USP43: variants seen among roughly 807,000 people sequenced by gnomAD.
The protein encoded by USP43 is ubiquitin carboxyl-terminal hydrolase 43.
In USP43, 33 loss-of-function variants were observed where a neutral mutation model predicts 90.7. That is an observed-to-expected ratio of 0.36 (90% CI 0.28 to 0.49). The LOEUF is 0.49. USP43 is among the 20% of genes least tolerant of loss of function. The pLI, the probability that USP43 is intolerant of heterozygous loss-of-function variation, is 0.98. For synonymous variants in USP43, 598 were observed against 615.8 expected, an observed-to-expected ratio of 0.97 and a Z score of 0.43; for missense variants, 1,274 against 1,476.4, an observed-to-expected ratio of 0.86 and a Z score of 2.25.
chr17:9,691,176 G>A (rs1051092849), intron 8 of USP43, among the ~76,000 whole-genome samples: 3 of 149,692 alleles, frequency 2.0e-5, no homozygotes, highest in East Asian at 2.0e-4. Context: ...GTGCAATGGC[G>A]TGATCTCAGC....
Position 9,693,241 on chromosome 17 carries a change from A to G in USP43, c.1457+11A>G. Reference sequence around the variant, plus strand: ...CTGGGCAGTTGACAGGTAAGGGGGAAGGTCCAGGTTCAGTCAGCTAATGAA... The same window carrying G: ...CTGGGCAGTTGACAGGTAAGGGGGAGGGTCCAGGTTCAGTCAGCTAATGAA... On this transcript the variant is annotated intron_variant, in intron 9 of 14. Transcript: ENST00000285199. 6.2e-7 allele frequency: 1 copy of G among 1,606,374 alleles called. No homozygotes were observed. Among genetic ancestry groups the G allele is most frequent in the South Asian group, 1.1e-5 (1 of 89,750 alleles).
intron 12 of USP43, among the ~76,000 whole-genome samples, chr17:9,706,631 A>ATTTTTTTTT (rs34165346): frequency 1.2e-5 from 1 of 84,436 alleles, no homozygotes; most frequent in Non-Finnish European, 2.2e-5. Context: ...TCAGATATTA[A>ATTTTTTTTT]TTTTTTTTTT....
Position 9,701,621 on chromosome 17 carries a change from C to G in USP43, c.1932C>G (p.Thr644=). Residue 644 remains threonine, a synonymous_variant, in exon 12 of 15, where the codon ACC becomes ACG. Coordinates refer to ENST00000285199, the MANE Select transcript of USP43 (RefSeq NM_153210.5). The surrounding 1 kb of genome is among the most constrained non-coding windows in gnomAD (Gnocchi z 7.2). ...GGAAGCAGCCGGACTGCCTGCCCAC[C>G]AGTTACCCGCTGGACTTCCTGTACG... ...PSWKQPDCLP[T]SYPLDFLYDL... is the part of the protein sequence containing the mutation. 1 of 1,588,446 alleles carries G rather than the reference C, an allele frequency of 6.3e-7. No homozygotes were observed. Among genetic ancestry groups the G allele is most frequent in the East Asian group, 2.3e-5 (1 of 43,498 alleles).
intron 13 of USP43, among the ~76,000 whole-genome samples, chr17:9,711,247 G>A (rs1216456182): frequency 6.6e-6 from 1 of 152,104 alleles, no homozygotes; most frequent in African/African-American, 2.4e-5. Context: ...GCATGCTGGG[G>A]CCCTGGTACT....
intron 1 of USP43, among the ~76,000 whole-genome samples, chr17:9,654,806 C>G (rs1912118991): frequency 1.3e-5 from 2 of 151,848 alleles, no homozygotes; most frequent in Admixed American, 6.6e-5. Context: ...GGTGCAATCT[C>G]TCCTCACTGC....
At chr17:9,703,160 G>A (rs766283935) in intron 12 of USP43, among the ~76,000 whole-genome samples, 3 of 152,044 alleles carry the variant, frequency 2.0e-5, no homozygotes, top group Non-Finnish European at 2.9e-5. Context: ...ATATTGGGAG[G>A]CATCTTTGTT....
intron 4 of USP43, among the ~76,000 whole-genome samples, chr17:9,675,425 A>G (rs913358571): frequency 1.3e-5 from 2 of 152,148 alleles, no homozygotes; most frequent in African/African-American, 4.8e-5. Flanking sequence ...TTTGGGGAAG[A>G]TGAGAAAAAA....
chr17:9,713,278 A>G (rs570255078), intron 14 of USP43, among the ~76,000 whole-genome samples: 35 of 152,126 alleles, frequency 2.3e-4, no homozygotes, highest in African/African-American at 6.0e-4. Context: ...TCGTAGAGAC[A>G]GGGTTTCATC....
chr17:9,715,148 A>AG (rs1219135081), intron 14 of USP43, among the ~76,000 whole-genome samples: 11 of 152,212 alleles, frequency 7.2e-5, no homozygotes, highest in Admixed American at 2.0e-4. Context: ...GCTGGGAACA[A>AG]GGGGGTAACC....
chr17:9,721,849 C>T (rs1597897379), intron 14 of USP43, among the ~76,000 whole-genome samples: 1 of 151,224 alleles, frequency 6.6e-6, no homozygotes, highest in Non-Finnish European at 1.5e-5. Flanking sequence ...TCAGCCTCCC[C>T]AGTAGCTGGG....
intron 14 of USP43, among the ~76,000 whole-genome samples, chr17:9,716,694 T>C (rs918617232): frequency 3.9e-5 from 6 of 152,300 alleles, no homozygotes; most frequent in African/African-American, 1.4e-4. Flanking sequence ...AAATCTGGCC[T>C]GGTCATCAAG....
chr17:9,668,576 A>G (rs1328527056), intron 3 of USP43, among the ~76,000 whole-genome samples: 2 of 152,208 alleles, frequency 1.3e-5, no homozygotes, highest in Non-Finnish European at 2.9e-5. Context: ...GCTCTGCCTC[A>G]CCAGGGACAG....
rs965154135 is a variant in USP43 at position 9,688,778 on chromosome 17, C to T, written c.1353+1869C>T. Reference sequence around the variant, plus strand: ...AATGGCTCACTGCATCTTTGACCTCCCAGGCTCAAGTGATCCTCCTGCCTC... The same window carrying T: ...AATGGCTCACTGCATCTTTGACCTCTCAGGCTCAAGTGATCCTCCTGCCTC... On this transcript the variant is annotated intron_variant, in intron 8 of 14. Transcript: ENST00000285199. 2.6e-5 allele frequency among the ~76,000 whole-genome samples: 4 copies of T among 152,226 alleles called. No homozygotes were observed. In the South Asian group the frequency reaches 8.3e-4, roughly 32 times the overall value.
At chr17:9,669,944 A>T (rs1028973672) in intron 3 of USP43, 1 of 152,276 alleles carries the variant, frequency 6.6e-6, no homozygotes, top group Non-Finnish European at 1.5e-5. Context: ...GCAGGTTTTC[A>T]GTCCAAGTGT....
Position 9,701,690 on chromosome 17 carries a change from G to T in USP43, c.2001G>T (p.Gly667=), listed in dbSNP as rs1458305543. The T allele has an allele frequency of 6.4e-7, 1 of 1,557,978 alleles. No homozygotes were observed. The highest frequency in any genetic ancestry group is 1.4e-5 in the African/African-American group (1 of 73,964). ...ACCACCATGGCAACCTGCAAGGTGG[G>T]CATTACACAGGTGAGCCTTGCCTTG... ...VCNHHGNLQG[G]HYTAYCRNSL... is the part of the protein sequence containing the mutation. Residue 667 remains glycine, a synonymous_variant, in exon 12 of 15, where the codon GGG becomes GGT. Coordinates refer to ENST00000285199, the MANE Select transcript of USP43 (RefSeq NM_153210.5). The surrounding 1 kb of genome is among the most constrained non-coding windows in gnomAD (Gnocchi z 7.2).
intron 3 of USP43, among the ~76,000 whole-genome samples, chr17:9,672,990 C>T (rs991082004): frequency 6.6e-6 from 1 of 152,174 alleles, no homozygotes; most frequent in African/African-American, 2.4e-5. Flanking sequence ...GTTCTGATAC[C>T]AACTTTGGCT....
At position 9,693,170 on chromosome 17, in the gene USP43, T is replaced by C. The variant is rs976437281; in HGVS notation, c.1397T>C (p.Val466Ala). The C allele has an allele frequency of 6.2e-7, 1 of 1,613,820 alleles. No individual in the cohort carries two copies. The highest frequency in any genetic ancestry group is 1.7e-5 in the Admixed American group (1 of 60,016). The part of the protein sequence containing the change: ...LFSIRVVGLS[V>A]ACSYLSPKDS... ...TCCATCCGTGTTGTGGGACTCTCTG[T>C]GGCCTGCAGCTATTTGTCTCCGAAG... Residue 466 changes from valine (V) to alanine (A), a missense_variant, in exon 9 of 15, where the codon GTG becomes GCG. Val to Ala is a moderately conservative substitution (Grantham distance 64). Coordinates refer to ENST00000285199, the MANE Select transcript of USP43 (RefSeq NM_153210.5).
In USP43 at chr17:9,646,039, C is replaced by T; in HGVS notation, c.407C>T (p.Ala136Val). ...AEFLALGRYR[A>V]APGRAEVTEQ... ...TTCCTGGCGCTGGGGCGCTACCGGG[C>T]GGCTCCGGGCCGCGCCGAGGTCACC... The change falls in exon 1 of 15, where the codon GCG (alanine) becomes GTG (valine). Residue 136 changes from alanine (A) to valine (V), a missense_variant. Coordinates refer to ENST00000285199, the MANE Select transcript of USP43 (RefSeq NM_153210.5). 2 of 1,492,926 alleles carry T rather than the reference C, an allele frequency of 1.3e-6. No homozygotes were observed. Among genetic ancestry groups the T allele is most frequent in the East Asian group, 2.9e-5 (1 of 34,856 alleles). The allele number at this position is 1,492,926 out of a possible 1,614,324, so 92.5% of individuals were successfully genotyped here.
chr17:9,704,249 G>A (rs1240964553), intron 12 of USP43, among the ~76,000 whole-genome samples: 2 of 145,606 alleles, frequency 1.4e-5, no homozygotes, highest in Non-Finnish European at 2.9e-5. Context: ...CTGCATTTAG[G>A]GGACCTGTGT....
Sources: gnomAD v4.1 joint callset for allele counts (sites outside exome capture counted in the v4.1 genomes callset) on GRCh38, gnomAD v4.1.1 for gene constraint, Gnocchi (gnomAD v3.1) non-coding constraint, MANE v1.5 for transcripts, NCBI Gene and HGNC (gene_info 2026-07-23, HGNC 2026-07-21) for gene names.